The following MTMR4 variants were observed in gnomAD, a reference collection of about 807,000 sequenced individuals.
The protein encoded by MTMR4 is phosphatidylinositol-3,5-bisphosphate 3-phosphatase MTMR4.
A neutral mutation model predicts 125.5 loss-of-function variants in MTMR4; 30 were observed. The observed-to-expected ratio is 0.24, with a 90% confidence interval of 0.18 to 0.32. The LOEUF is 0.32. Among genes scored for constraint, MTMR4 ranks in the 10% least tolerant of loss-of-function variants. MTMR4 has a pLI of 1.00. For missense variants in MTMR4, 1,039 were observed against 1,511.5 expected, an observed-to-expected ratio of 0.69 and a Z score of 5.18; for synonymous variants, 498 against 564.5, an observed-to-expected ratio of 0.88 and a Z score of 1.67.
intron 13 of MTMR4, 32 bp from the exon 14 acceptor site, chr17:58,503,930 C>T: frequency 2.5e-6 from 4 of 1,596,600 alleles, no homozygotes; most frequent in Non-Finnish European, 2.6e-6. Context: ...AGTGCTTTGT[C>T]AAGAGTTCCT....
In MTMR4 at chr17:58,508,582, C is replaced by T. The variant is rs766014599; in HGVS notation, c.497-18G>A. The T allele has an allele frequency of 1.1e-5, 17 of 1,614,064 alleles. No individual in the cohort carries two copies. The highest frequency in any genetic ancestry group is 1.3e-5 in the African/African-American group (1 of 74,920). ...GTGCTCACCTGCAACAGAGCCCCCACGATGGTTAGCTTCCCAGAGCACCAA... is the reference window on the plus strand; with the variant it reads ...GTGCTCACCTGCAACAGAGCCCCCATGATGGTTAGCTTCCCAGAGCACCAA... On this transcript the variant is annotated intron_variant, in intron 5 of 17. Transcript: ENST00000682306. The surrounding 1 kb of genome is among the most constrained non-coding windows in gnomAD (Gnocchi z 4.8).
chr17:58,509,112 C>T lies in MTMR4; in HGVS notation c.336-271G>A, dbSNP rs1975857716. Among the ~76,000 whole-genome samples, 3 of 152,128 alleles carry T rather than the reference C, an allele frequency of 2.0e-5. No homozygotes were observed. The South Asian group carries it at 6.2e-4, about 32-fold the overall frequency. On this transcript the variant is annotated intron_variant, in intron 4 of 17. Coordinates refer to ENST00000682306, the MANE Select transcript of MTMR4 (RefSeq NM_001378067.1). ...GGCGCTACTGTTTCTCGTATCAAATCTAAATGCTACCATGTGGCCCTGAAC... is the reference window on the plus strand; with the variant it reads ...GGCGCTACTGTTTCTCGTATCAAATTTAAATGCTACCATGTGGCCCTGAAC...
At position 58,491,655 on chromosome 17, in the gene MTMR4, C is replaced by T; in HGVS notation, c.*8G>A. On this transcript the variant is annotated 3_prime_UTR_variant, in exon 18 of 18. Coordinates refer to ENST00000682306, the MANE Select transcript of MTMR4 (RefSeq NM_001378067.1). The stretch of plus-strand genomic sequence containing the variant: ...CCTGCTAAAATTGGACAGGTTTCTC[C>T]CCGGCATTCAACTGGAAGCTGTAGC... The T allele has an allele frequency of 6.2e-7, 1 of 1,611,238 alleles. No individual in the cohort carries two copies. Among genetic ancestry groups the T allele is most frequent in the Non-Finnish European group, 8.5e-7 (1 of 1,177,748 alleles).
chr17:58,517,596 C>T (rs1306492107), upstream of MTMR4, among the ~76,000 whole-genome samples: 1 of 152,228 alleles, frequency 6.6e-6, no homozygotes, highest in Non-Finnish European at 1.5e-5. Context: ...CTGGGAGGCC[C>T]AGGGTTTTCA....
At chr17:58,511,002 G>GGAAT (rs1975915225) in intron 4 of MTMR4, 1 of 153,182 alleles carries the variant, frequency 6.5e-6, no homozygotes, top group Non-Finnish European at 1.5e-5. Context: ...TCTCCTCATT[G>GGAAT]GAATGTAAGC....
Position 58,503,842 on chromosome 17 carries a change from C to T in MTMR4, c.1755G>A (p.Leu585=). The T allele has an allele frequency of 1.2e-6, 2 of 1,614,162 alleles. No homozygotes were observed. Among genetic ancestry groups the T allele is most frequent in the Non-Finnish European group, 1.7e-6 (2 of 1,180,022 alleles). ...CAAGTGTGCATGGAGATGATGCTGG[C>T]AGATAAACAGCTGTCCAGAGGTGCA... ...RALHLWTAVY[L]PASSPCTLGE... Residue 585 remains leucine, a synonymous_variant, in exon 14 of 18, where the codon CTG becomes CTA. Coordinates refer to ENST00000682306, the MANE Select transcript of MTMR4 (RefSeq NM_001378067.1).
intron 7 of MTMR4, 57 bp from the exon 8 acceptor site, chr17:58,507,376 C>T (rs906279251): frequency 6.5e-7 from 1 of 1,539,026 alleles, no homozygotes; most frequent in East Asian, 2.3e-5. Flanking sequence ...CAGAGGCCTA[C>T]CTCAGGGGGT....
At chr17:58,505,803 G>C (rs772190366) in intron 9 of MTMR4, among the ~76,000 whole-genome samples, 1 of 152,210 alleles carries the variant, frequency 6.6e-6, no homozygotes, top group Non-Finnish European at 1.5e-5. Context: ...AGCTACTCGG[G>C]AGACTGAGGC....
Position 58,504,295 on chromosome 17 carries a change from GGA to G in MTMR4, c.1527+6_1527+7del, listed in dbSNP as rs1975721855. On this transcript the variant is annotated splice_donor_region_variant and intron_variant, in intron 12 of 17. Transcript: ENST00000682306. This position sits in a 1 kb window ranked among gnomAD's most constrained non-coding sequence, Gnocchi z 7.1. ...CCCATCCCTGTTGTCACAGGCCTTA[GGA>G]CTTACCAGGAATGCTTCATTAAATT... The G allele has an allele frequency of 6.2e-7, 1 of 1,613,090 alleles. No individual in the cohort carries two copies. Among genetic ancestry groups the G allele is most frequent in the Non-Finnish European group, 8.5e-7 (1 of 1,179,278 alleles).
intron 15 of MTMR4, 92 bp from the exon 16 acceptor site, chr17:58,493,044 A>G (rs1975356195): frequency 2.2e-6 from 2 of 899,298 alleles, no homozygotes; most frequent in Admixed American, 4.1e-5. Flanking sequence ...TGCATTACAC[A>G]CATGAACTTA....
In MTMR4 at chr17:58,490,632, C is replaced by T. The variant is rs1975291355; in HGVS notation, c.*1031G>A. On this transcript the variant is annotated 3_prime_UTR_variant, in exon 18 of 18. Coordinates refer to ENST00000682306, the MANE Select transcript of MTMR4 (RefSeq NM_001378067.1). The stretch of plus-strand genomic sequence containing the variant: ...TAAAAACCAAACGCTAAATTCTACC[C>T]TCAAGGTGTCAAGTGTTCAGGATAA... 6.6e-6 allele frequency: 1 copy of T among 152,594 alleles called. No individual in the cohort carries two copies. Among genetic ancestry groups the T allele is most frequent in the Non-Finnish European group, 1.5e-5 (1 of 68,028 alleles). The allele number at this position is 152,594 out of a possible 1,614,324, so 9.5% of individuals were successfully genotyped here. A position where few individuals can be genotyped will look rare whatever the true frequency, so the allele number is the denominator to read the frequency against.
Position 58,491,852 on chromosome 17 carries a change from GA to G in MTMR4, c.3453-13del, listed in dbSNP as rs1262606576. ...CATTCCCACAATTTCTGTCAAAGCA[GA>G]AAGAGGGAAGAGTTCATCAGAAATG... On this transcript the variant is annotated splice_polypyrimidine_tract_variant and intron_variant, in intron 17 of 17. Transcript: ENST00000682306. The G allele has an allele frequency of 6.2e-7, 1 of 1,608,860 alleles. No individual in the cohort carries two copies. The highest frequency in any genetic ancestry group is 8.5e-7 in the Non-Finnish European group (1 of 1,175,738).
At position 58,494,594 on chromosome 17, in the gene MTMR4, A is replaced by G. The variant is rs772350997; in HGVS notation, c.3252+338T>C. On this transcript the variant is annotated intron_variant, in intron 15 of 17. Transcript: ENST00000682306. The stretch of plus-strand genomic sequence containing the variant: ...ATGTCCCATCTTTTTAAGCCATATC[A>G]TTGGAGTATCTATTGCCACTACGCT... 7.4e-4 allele frequency among the ~76,000 whole-genome samples: 113 copies of G among 152,124 alleles called. 1 individual carries two copies. The highest frequency in any genetic ancestry group is 2.4e-4 in the Non-Finnish European group (16 of 68,024).
chr17:58,503,781 C>A lies in MTMR4; in HGVS notation c.1816G>T (p.Ala606Ser). The change falls in exon 14 of 18, where the codon GCC (alanine) becomes TCC (serine). Residue 606 changes from alanine to serine, a missense_variant. This residue lies in a region of MTMR4 where 619 missense variants were observed against 714.5 expected (regional missense o/e 0.87). Coordinates refer to ENST00000682306, the MANE Select transcript of MTMR4 (RefSeq NM_001378067.1). ...ENMDLYLSPV[A>S]QSQEFSGRSL... ...CGGCCAGAGAACTCCTGGCTCTGGG[C>A]CACTGGGGAAAGGTAAAGATCCATG... 1.2e-6 allele frequency: 2 copies of A among 1,613,998 alleles called. No individual in the cohort carries two copies. Among genetic ancestry groups the A allele is most frequent in the Non-Finnish European group, 1.7e-6 (2 of 1,179,964 alleles).
In MTMR4 at chr17:58,504,697, T is replaced by A. The variant is rs1598220236; in HGVS notation, c.1341+82A>T. ...GCCACCAATGTCCTCTACTGAAAGA[T>A]CCCCAGGACAGATCCAGAGGGCTCA... On this transcript the variant is annotated intron_variant, in intron 11 of 17. Coordinates refer to ENST00000682306, the MANE Select transcript of MTMR4 (RefSeq NM_001378067.1). This position sits in a 1 kb window ranked among gnomAD's most constrained non-coding sequence, Gnocchi z 7.1. 1.4e-6 allele frequency: 2 copies of A among 1,448,008 alleles called. No individual in the cohort carries two copies. Among genetic ancestry groups the A allele is most frequent in the Non-Finnish European group, 1.9e-6 (2 of 1,072,482 alleles). The allele number at this position is 1,448,008 out of a possible 1,614,324, so 89.7% of individuals were successfully genotyped here. A position where few individuals can be genotyped will look rare whatever the true frequency, so the allele number is the denominator to read the frequency against.
chr17:58,509,638 T>C (rs1308988616), intron 4 of MTMR4, among the ~76,000 whole-genome samples: 1 of 151,992 alleles, frequency 6.6e-6, no homozygotes, highest in African/African-American at 2.4e-5. Flanking sequence ...CAGGCTGATC[T>C]TGAACTCCTG....
intron 14 of MTMR4, among the ~76,000 whole-genome samples, chr17:58,500,277 C>G (rs1170367659): frequency 2.0e-5 from 3 of 152,190 alleles, no homozygotes; most frequent in African/African-American, 4.8e-5. Flanking sequence ...CAGGCGCACG[C>G]CACCATGCCT....
chr17:58,491,657 C>T lies in MTMR4; in HGVS notation c.*6G>A, dbSNP rs749793644. 54 of 1,611,320 alleles carry T rather than the reference C, an allele frequency of 3.4e-5. No individual in the cohort carries two copies. The Admixed American group carries it at 8.0e-4, about 24-fold the overall frequency. On this transcript the variant is annotated 3_prime_UTR_variant, in exon 18 of 18. Transcript: ENST00000682306. Reference sequence around the variant, plus strand: ...TGCTAAAATTGGACAGGTTTCTCCCCGGCATTCAACTGGAAGCTGTAGCAA... The same window carrying T: ...TGCTAAAATTGGACAGGTTTCTCCCTGGCATTCAACTGGAAGCTGTAGCAA...
upstream of MTMR4, among the ~76,000 whole-genome samples, chr17:58,515,888 G>T (rs1976075564): frequency 1.3e-5 from 2 of 152,204 alleles, no homozygotes. Flanking sequence ...CAGGTTAAGG[G>T]CCTGGTCTGG....
Sources: allele counts gnomAD v4.1 joint callset (sites outside exome capture counted in the v4.1 genomes callset), GRCh38; gene constraint gnomAD v4.1.1; regional missense constraint gnomAD v4.1.1; non-coding constraint Gnocchi (gnomAD v3.1); transcripts MANE v1.5; gene names NCBI Gene and HGNC (gene_info 2026-07-23, HGNC 2026-07-21).